Variants in DPF1 observed in about 807,000 individuals in gnomAD.
The protein encoded by DPF1 is double PHD fingers 1.
A neutral mutation model predicts 58.7 loss-of-function variants in DPF1; 14 were observed. The ratio of observed to expected loss-of-function variants is 0.24; its 90% CI spans 0.16 to 0.37. DPF1 has a LOEUF of 0.37. DPF1 is among the 10% of genes least tolerant of loss of function. DPF1 has a pLI of 1.00. For missense variants in DPF1, 345 were observed against 529.9 expected, an observed-to-expected ratio of 0.65 and a Z score of 3.43; for synonymous variants, 216 against 216.0, an observed-to-expected ratio of 1.00 and a Z score of 0.00.
upstream of DPF1, chr19:38,224,310 A>C: frequency 2.5e-5 from 31 of 1,259,448 alleles, no homozygotes; most frequent in Non-Finnish European, 3.0e-5. This position sits in a 1 kb window ranked among gnomAD's most constrained non-coding sequence, Gnocchi z 4.5. Context: ...TGGGAGTGGT[A>C]GTCCCAGGCC....
intron 9 of DPF1, 196 bp from the exon 10 acceptor site, chr19:38,213,952 A>C: frequency 1.8e-6 from 1 of 569,644 alleles, no homozygotes; most frequent in South Asian, 2.2e-5. Flanking sequence ...ACAGTCTCCT[A>C]CCACAACCAC....
intron 9 of DPF1, among the ~76,000 whole-genome samples, chr19:38,214,552 CA>C (rs1271240227): frequency 6.6e-6 from 1 of 152,244 alleles, no homozygotes; most frequent in African/African-American, 2.4e-5. Flanking sequence ...CTGTTAACCA[CA>C]ACTCTATGGC....
At chr19:38,220,218 G>A (rs1424377921) in intron 3 of DPF1, among the ~76,000 whole-genome samples, 1 of 132,176 alleles carries the variant, frequency 7.6e-6, no homozygotes, top group Non-Finnish European at 1.6e-5. Context: ...AAAAGAAAAA[G>A]AAAGAGAGAG....
chr19:38,227,475 A>G (rs529267008), upstream of DPF1, among the ~76,000 whole-genome samples: 4 of 151,860 alleles, frequency 2.6e-5, no homozygotes, highest in African/African-American at 9.7e-5. Context: ...CCACTCCCAC[A>G]TACTCTCCTA....
At chr19:38,228,368 G>C (rs894682311), upstream of DPF1, among the ~76,000 whole-genome samples, 1 of 151,646 alleles carries the variant, frequency 6.6e-6, no homozygotes, top group Non-Finnish European at 1.5e-5. Flanking sequence ...GGGTGGGGTA[G>C]GGGGGCGCTC....
In DPF1 at chr19:38,211,881, C is replaced by G. The variant is rs1041825962; in HGVS notation, c.*182G>C. On this transcript the variant is annotated 3_prime_UTR_variant, in exon 12 of 12. Coordinates refer to ENST00000355526, the MANE Select transcript of DPF1 (RefSeq NM_001135155.3). This position sits in a 1 kb window ranked among gnomAD's most constrained non-coding sequence, Gnocchi z 4.0. ...GAGGGAGGGAGGGAGAGGCCCTGGC[C>G]GGGCCCACCCACCCACAGGGCAGAC... 3 of 647,476 alleles carry G rather than the reference C, an allele frequency of 4.6e-6. No individual in the cohort carries two copies. The highest frequency in any genetic ancestry group is 2.9e-5 in the Admixed American group (1 of 34,044). 40.1% of individuals were successfully genotyped at this position (647,476 alleles called of 1,614,324 possible). A position where few individuals can be genotyped will look rare whatever the true frequency, so the allele number is the denominator to read the frequency against.
At chr19:38,217,763 T>C (rs1967142547) in intron 6 of DPF1, 35 bp downstream of exon 6, 1 of 1,612,646 alleles carries the variant, frequency 6.2e-7, no homozygotes, top group Non-Finnish European at 8.5e-7. Context: ...TGGGCACCCC[T>C]CTCTCTGCCT....
Position 38,224,182 on chromosome 19 carries a change from G to C in DPF1, c.-40C>G. 1 of 1,426,666 alleles carries C rather than the reference G, an allele frequency of 7.0e-7. No individual in the cohort carries two copies. Among genetic ancestry groups the C allele is most frequent in the Non-Finnish European group, 9.2e-7 (1 of 1,091,390 alleles). The allele number at this position is 1,426,666 out of a possible 1,614,324, so 88.4% of individuals were successfully genotyped here. A position where few individuals can be genotyped will look rare whatever the true frequency, so the allele number is the denominator to read the frequency against. On this transcript the variant is annotated 5_prime_UTR_variant, in exon 1 of 12. Transcript: ENST00000355526. The surrounding 1 kb of genome is among the most constrained non-coding windows in gnomAD (Gnocchi z 4.5). ...CCTGCCCCCAGCAGGTCCCCGCCGGGTCGGTCCTCCCAGCGGTCGGGCGGG... is the reference window on the plus strand; with the variant it reads ...CCTGCCCCCAGCAGGTCCCCGCCGGCTCGGTCCTCCCAGCGGTCGGGCGGG...
Position 38,216,199 on chromosome 19 carries a change from C to A in DPF1, c.839G>T (p.Gly280Val), listed in dbSNP as rs1967004806. ...PNGYCDFCLG[G>V]SKKTGCPEDL... ...CTCGGGACACCCCGTCTTCTTGGAGCCCCCCAGGCAGAAGTCACAGTAGCC... is the reference window on the plus strand; with the variant it reads ...CTCGGGACACCCCGTCTTCTTGGAGACCCCCAGGCAGAAGTCACAGTAGCC... Residue 280 changes from glycine to valine, a missense_variant, in exon 9 of 12, where the codon GGC (glycine) becomes GTC (valine). Transcript: ENST00000355526. The A allele has an allele frequency of 6.2e-7, 1 of 1,613,966 alleles. No homozygotes were observed. Among genetic ancestry groups the A allele is most frequent in the Non-Finnish European group, 8.5e-7 (1 of 1,179,996 alleles).
At position 38,213,630 on chromosome 19, in the gene DPF1, C is replaced by G. The variant is rs539586612; in HGVS notation, c.1011+14G>C. ...GGCGGGCAGCAGGGCACGCGGGGGG[C>G]GGGCGGCACTCACGTCGTTCTCGGA... On this transcript the variant is annotated intron_variant, in intron 10 of 11. Coordinates refer to ENST00000355526, the MANE Select transcript of DPF1 (RefSeq NM_001135155.3). 2.5e-6 allele frequency: 4 copies of G among 1,606,298 alleles called. No homozygotes were observed. The highest frequency in any genetic ancestry group is 3.4e-6 in the Non-Finnish European group (4 of 1,175,170).
chr19:38,211,804 A>C lies in DPF1; in HGVS notation c.*259T>G. ...CCCCATGCCCGCCCAGAGGCGGGGT[A>C]TGGCTTTGAGGGGAGAAGCCCCTGG... On this transcript the variant is annotated 3_prime_UTR_variant, in exon 12 of 12. Transcript: ENST00000355526. This position sits in a 1 kb window ranked among gnomAD's most constrained non-coding sequence, Gnocchi z 4.0. 4 of 483,422 alleles carry C rather than the reference A, an allele frequency of 8.3e-6. No homozygotes were observed. The highest frequency in any genetic ancestry group is 4.4e-5 in the African/African-American group (2 of 45,356). The allele number at this position is 483,422 out of a possible 1,614,324, so 29.9% of individuals were successfully genotyped here.
chr19:38,223,735 A>C (rs1967669066), intron 1 of DPF1: 1 of 180,122 alleles, frequency 5.6e-6, no homozygotes, highest in East Asian at 1.4e-4. Context: ...AAAAACCAGA[A>C]CACAAATAAG....
Position 38,211,085 on chromosome 19 carries a change from G to C in DPF1, c.*978C>G, listed in dbSNP as rs1479952112. ...CAGAGGCAGGCAATAGAGGAGACTC[G>C]GTGACAAGTGAGGGGGCACTCCTGG... On this transcript the variant is annotated 3_prime_UTR_variant, in exon 12 of 12. Transcript: ENST00000355526. This position sits in a 1 kb window ranked among gnomAD's most constrained non-coding sequence, Gnocchi z 4.0. The C allele has an allele frequency of 6.6e-6, 1 of 152,568 alleles. No individual in the cohort carries two copies. Among genetic ancestry groups the C allele is most frequent in the Non-Finnish European group, 1.5e-5 (1 of 68,316 alleles). The allele number at this position is 152,568 out of a possible 1,614,324, so 9.5% of individuals were successfully genotyped here.
intron 3 of DPF1, among the ~76,000 whole-genome samples, chr19:38,221,264 A>G (rs1411321330): frequency 1.3e-5 from 2 of 152,216 alleles, no homozygotes; most frequent in Admixed American, 1.3e-4. Flanking sequence ...ATGGCCGGGC[A>G]TGGTGACTCA....
upstream of DPF1, among the ~76,000 whole-genome samples, chr19:38,226,443 C>T (rs1568642898): frequency 6.6e-6 from 1 of 151,112 alleles, no homozygotes; most frequent in Admixed American, 6.6e-5. Flanking sequence ...CCATTTTTGT[C>T]ACTTGAAATC....
At chr19:38,214,513 C>T (rs1973708956) in intron 9 of DPF1, among the ~76,000 whole-genome samples, 1 of 152,152 alleles carries the variant, frequency 6.6e-6, no homozygotes, top group Non-Finnish European at 1.5e-5. Flanking sequence ...GTCTATATTG[C>T]CCACAAGCCC....
chr19:38,214,499 CAG>C (rs1441058968), intron 9 of DPF1, among the ~76,000 whole-genome samples: 2 of 152,166 alleles, frequency 1.3e-5, no homozygotes, highest in African/African-American at 4.8e-5. Flanking sequence ...CTGAGGCAAC[CAG>C]AGTCTATATT....
chr19:38,229,667 C>A lies in DPF1; in HGVS notation c.-240G>T, dbSNP rs1191855873. ...CGGGCCCAGCCCGGCCTGCGCCGCC[C>A]GCTCTGCCGCCCAGCGCGCTACGAT... On this transcript the variant is annotated 5_prime_UTR_variant, in exon 1 of 12. Transcript: ENST00000412732. This position sits in a 1 kb window ranked among gnomAD's most constrained non-coding sequence, Gnocchi z 5.3. 6 of 638,246 alleles carry A rather than the reference C, an allele frequency of 9.4e-6. No homozygotes were observed. In the African/African-American group the frequency reaches 1.0e-4, roughly 11 times the overall value. The allele number at this position is 638,246 out of a possible 1,614,324, so 39.5% of individuals were successfully genotyped here. A position where few individuals can be genotyped will look rare whatever the true frequency, so the allele number is the denominator to read the frequency against.
chr19:38,226,519 C>T (rs942730150), upstream of DPF1, among the ~76,000 whole-genome samples: 1 of 150,236 alleles, frequency 6.7e-6, no homozygotes, highest in Non-Finnish European at 1.5e-5. Context: ...CACACACACA[C>T]ACACACACAC....
Sources: allele counts gnomAD v4.1 joint callset (sites outside exome capture counted in the v4.1 genomes callset), GRCh38; gene constraint gnomAD v4.1.1; non-coding constraint Gnocchi (gnomAD v3.1); transcripts MANE v1.5; gene names NCBI Gene and HGNC (gene_info 2026-07-23, HGNC 2026-07-21).